Variants in RAB6A observed in about 807,000 individuals in gnomAD.
RAB6A encodes the protein ras-related protein Rab-6A.
A neutral mutation model predicts 32.3 loss-of-function variants in RAB6A; 8 were observed. The ratio of observed to expected loss-of-function variants is 0.25; its 90% CI spans 0.15 to 0.45. The LOEUF is 0.45. Among genes scored for constraint, RAB6A ranks in the 20% least tolerant of loss-of-function variants. The pLI, the probability that RAB6A is intolerant of heterozygous loss-of-function variation, is 1.00. For missense variants in RAB6A, 104 were observed against 249.4 expected (o/e 0.42, Z 3.93); for synonymous variants, 73 against 82.1 (o/e 0.89, Z 0.60).
chr11:73,736,812 A>AAAAG (rs1946402260), intron 1 of RAB6A, among the ~76,000 whole-genome samples: 4 of 138,240 alleles, frequency 2.9e-5, no homozygotes, highest in African/African-American at 1.2e-4. Context: ...AAAAAAAGAA[A>AAAAG]AAAAAAAAAA....
chr11:73,702,348 C>G (rs1945759226), intron 6 of RAB6A, among the ~76,000 whole-genome samples: 1 of 151,938 alleles, frequency 6.6e-6, no homozygotes. Context: ...AATTTTTCTA[C>G]TTTTGTAGAG....
chr11:73,728,391 G>A (rs955326083), intron 2 of RAB6A, among the ~76,000 whole-genome samples: 1 of 151,920 alleles, frequency 6.6e-6, no homozygotes, highest in Non-Finnish European at 1.5e-5. Context: ...TGCTTTTTAT[G>A]TGTACATTCA....
chr11:73,731,729 T>TATAC (rs1225296915), intron 1 of RAB6A, among the ~76,000 whole-genome samples: 1 of 7,544 alleles, frequency 1.3e-4, no homozygotes, highest in Admixed American at 1.9e-3. Context: ...TATATATATA[T>TATAC]ATACACACAC....
chr11:73,746,323 TATCA>T (rs1946587901), intron 1 of RAB6A, among the ~76,000 whole-genome samples: 1 of 152,128 alleles, frequency 6.6e-6, no homozygotes, highest in African/African-American at 2.4e-5. Flanking sequence ...GTATACTACA[TATCA>T]ATCAAACATT....
intron 2 of RAB6A, among the ~76,000 whole-genome samples, chr11:73,724,810 C>T (rs1946192751): frequency 6.6e-6 from 1 of 152,058 alleles, no homozygotes; most frequent in Admixed American, 6.6e-5. Flanking sequence ...CTTTACAGCA[C>T]TTTTGACTAG....
intron 6 of RAB6A, among the ~76,000 whole-genome samples, chr11:73,702,981 C>G (rs543169952): frequency 6.6e-6 from 1 of 151,750 alleles, no homozygotes. Context: ...CTCAGACTCC[C>G]GAGTAGCTGG....
Position 73,739,285 on chromosome 11 carries a change from ATATATATAT to A in RAB6A, c.71-8471_71-8463del, listed in dbSNP as rs1385771272. On this transcript the variant is annotated intron_variant, in intron 1 of 7. Transcript: ENST00000336083. ...AATTAAAAAAAAAAAAAAAAAAAAA[ATATATATAT>A]ATATATATATAAATACTGGAACACC... is the stretch of plus-strand genomic sequence containing the variant. 5.0e-4 allele frequency among the ~76,000 whole-genome samples: 10 copies of A among 19,902 alleles called. 1 individual carries two copies. The highest frequency in any genetic ancestry group is 2.1e-3 in the Admixed American group (3 of 1,450). 13.1% of individuals were successfully genotyped at this position (19,902 alleles called of 152,430 possible).
chr11:73,711,228 T>C (rs903538188), intron 5 of RAB6A, among the ~76,000 whole-genome samples: 2 of 152,180 alleles, frequency 1.3e-5, no homozygotes, highest in Non-Finnish European at 2.9e-5. Context: ...CTGAAGCTTC[T>C]CCTGGAAGTA....
intron 1 of RAB6A, among the ~76,000 whole-genome samples, chr11:73,753,582 G>GC (rs1447318326): frequency 6.6e-5 from 10 of 151,838 alleles, no homozygotes; most frequent in Admixed American, 5.9e-4. Flanking sequence ...ATGGTGGCGG[G>GC]CGCCTGTAGT....
chr11:73,722,344 T>TATATATATATATATATATATATA (rs1491252747), intron 2 of RAB6A: 1 of 9,420 alleles, frequency 1.1e-4, no homozygotes. Context: ...TATATATATA[T>TATATATATATATATATATATATA]TTTTTTTTTT....
In RAB6A at chr11:73,716,393, T is replaced by C. The variant is rs1428314427; in HGVS notation, c.290-31A>G. ...ATAGGAGGGTAGACAGAGAGATTAG[T>C]GTTGCTGAAAAATGCCTCCCCAGGT... On this transcript the variant is annotated intron_variant, in intron 4 of 7. Coordinates refer to ENST00000336083, the MANE Select transcript of RAB6A (RefSeq NM_198896.2). The C allele has an allele frequency of 6.4e-6, 10 of 1,555,774 alleles. No individual in the cohort carries two copies. In the Admixed American group the frequency reaches 1.2e-4, roughly 19 times the overall value.
rs184958577 is a variant in RAB6A at position 73,717,130 on chromosome 11, G to A, written c.290-768C>T. ...TTTTTTAAACAAACAGCAACCCAAAGTAAAGGTGCAAAGGAAGAAAGACTG... is the reference window on the plus strand; with the variant it reads ...TTTTTTAAACAAACAGCAACCCAAAATAAAGGTGCAAAGGAAGAAAGACTG... On this transcript the variant is annotated intron_variant, in intron 4 of 7. Transcript: ENST00000336083. Among the ~76,000 whole-genome samples, 601 of 152,144 alleles carry A rather than the reference G, an allele frequency of 4.0e-3. 5 individuals carry two copies. The highest frequency in any genetic ancestry group is 6.3e-3 in the Non-Finnish European group (427 of 67,992).
rs752037746 is a variant in RAB6A at position 73,760,646 on chromosome 11, G to A, written c.-11C>T. 14 of 1,606,038 alleles carry A rather than the reference G, an allele frequency of 8.7e-6. No individual in the cohort carries two copies. Among genetic ancestry groups the A allele is most frequent in the South Asian group, 3.3e-5 (3 of 89,762 alleles). ...TCCGCCCGTGGACATTGTGGAACTA[G>A]AGGAGCGGCCGCCGCCTCAGCCTAG... is the stretch of plus-strand genomic sequence containing the variant. On this transcript the variant is annotated 5_prime_UTR_variant, in exon 1 of 8. Coordinates refer to ENST00000336083, the MANE Select transcript of RAB6A (RefSeq NM_198896.2).
intron 1 of RAB6A, among the ~76,000 whole-genome samples, chr11:73,757,129 ATTTTTTT>A (rs869261713): frequency 3.6e-4 from 11 of 30,342 alleles, no homozygotes; most frequent in South Asian, 1.4e-3. Flanking sequence ...ATATATATAT[ATTTTTTT>A]TTTTTTTTTT....
intron 5 of RAB6A, among the ~76,000 whole-genome samples, chr11:73,709,258 G>A (rs1014428730): frequency 1.1e-4 from 16 of 151,888 alleles, no homozygotes; most frequent in Admixed American, 9.9e-4. Flanking sequence ...TTATTCCAAT[G>A]TCCTTTATAG....
chr11:73,686,457 G>A (rs970234714), intron 6 of RAB6A, among the ~76,000 whole-genome samples: 1 of 152,122 alleles, frequency 6.6e-6, no homozygotes, highest in Non-Finnish European at 1.5e-5. Context: ...AGGAGGCTGA[G>A]GTAGTAAAAT....
At chr11:73,759,654 G>T (rs575777512) in intron 1 of RAB6A, among the ~76,000 whole-genome samples, 2 of 152,118 alleles carry the variant, frequency 1.3e-5, no homozygotes, top group African/African-American at 4.8e-5. Context: ...ACTCAAGAAG[G>T]AATGAATAAT....
At chr11:73,737,818 C>A (rs1565373191) in intron 1 of RAB6A, among the ~76,000 whole-genome samples, 1 of 151,632 alleles carries the variant, frequency 6.6e-6, no homozygotes, top group African/African-American at 2.4e-5. Context: ...CATGGTGAAA[C>A]CCCGTCTCTA....
chr11:73,738,799 C>T (rs1251966168), intron 1 of RAB6A, among the ~76,000 whole-genome samples: 1 of 150,732 alleles, frequency 6.6e-6, no homozygotes, highest in Non-Finnish European at 1.5e-5. Context: ...ACAAAAATTA[C>T]CCAGCATAGT....
Sources: gnomAD v4.1 joint callset for allele counts (sites outside exome capture counted in the v4.1 genomes callset) on GRCh38, gnomAD v4.1.1 for gene constraint, MANE v1.5 for transcripts, NCBI Gene and HGNC (gene_info 2026-07-23, HGNC 2026-07-21) for gene names.